Variants in FBXO36 observed in about 807,000 individuals in gnomAD.
FBXO36 encodes the protein F-box protein 36.
In FBXO36, 18 loss-of-function variants were observed where a neutral mutation model predicts 17.0. That is an observed-to-expected ratio of 1.06 (90% CI 0.73 to 1.57). The LOEUF (loss-of-function observed/expected upper bound fraction) is 1.57. Ranked by LOEUF, FBXO36 falls within the 40% of genes most tolerant of loss-of-function variation. The pLI is 0.00. For missense variants in FBXO36, 229 were observed against 221.9 expected, an observed-to-expected ratio of 1.03 and a Z score of -0.20; for synonymous variants, 83 against 85.3, an observed-to-expected ratio of 0.97 and a Z score of 0.15.
chr2:229,985,430 C>T (rs1267363396), intron 2 of FBXO36, among the ~76,000 whole-genome samples: 1 of 152,090 alleles, frequency 6.6e-6, no homozygotes, highest in Admixed American at 6.6e-5. Flanking sequence ...TAGACTTATA[C>T]GTCAGCCTTT....
chr2:230,008,435 T>C (rs901491039), intron 3 of FBXO36, among the ~76,000 whole-genome samples: 5 of 152,214 alleles, frequency 3.3e-5, no homozygotes, highest in Admixed American at 3.3e-4. Flanking sequence ...TTTTGCAACC[T>C]GGCAACTACT....
At chr2:230,004,045 A>G (rs1453804923) in intron 3 of FBXO36, among the ~76,000 whole-genome samples, 1 of 152,184 alleles carries the variant, frequency 6.6e-6, no homozygotes, top group Non-Finnish European at 1.5e-5. Context: ...CAGCACAGCC[A>G]CGGGGCCCTT....
At chr2:229,976,819 T>TA (rs879327470) in intron 2 of FBXO36, 51 of 143,212 alleles carry the variant, frequency 3.6e-4, no homozygotes, top group South Asian at 6.6e-4. Flanking sequence ...AATTCTGTCT[T>TA]AAAAAAAAAA....
chr2:229,993,967 A>G (rs958569362), intron 2 of FBXO36, among the ~76,000 whole-genome samples: 13 of 150,562 alleles, frequency 8.6e-5, no homozygotes, highest in Non-Finnish European at 1.5e-4. Context: ...AGGGACAGGG[A>G]TTCACTGTGT....
intron 1 of FBXO36, among the ~76,000 whole-genome samples, chr2:229,933,983 G>GC (rs2076951781): frequency 2.0e-5 from 3 of 151,150 alleles, no homozygotes; most frequent in South Asian, 4.2e-4. Context: ...ACCGTGCCCA[G>GC]CCCCCCTTTA....
chr2:229,957,666 CAA>C (rs2077096051), intron 1 of FBXO36, among the ~76,000 whole-genome samples: 1 of 152,062 alleles, frequency 6.6e-6, no homozygotes, highest in Admixed American at 6.6e-5. Flanking sequence ...GGGAATGAGT[CAA>C]TAACAAGAAG....
At chr2:229,996,690 T>G in intron 2 of FBXO36, 61 bp from the exon 3 acceptor site, 2 of 1,497,498 alleles carry the variant, frequency 1.3e-6, no homozygotes, top group Non-Finnish European at 1.8e-6. Context: ...ATTTCACTGA[T>G]TGTTATTATA....
At chr2:229,941,783 G>T (rs565385546) in intron 1 of FBXO36, among the ~76,000 whole-genome samples, 1 of 152,258 alleles carries the variant, frequency 6.6e-6, no homozygotes, top group Admixed American at 6.5e-5. Flanking sequence ...TTGGGAGGCC[G>T]AGGCAGGTGG....
chr2:229,941,808 T>C (rs764593396), intron 1 of FBXO36, among the ~76,000 whole-genome samples: 2 of 152,080 alleles, frequency 1.3e-5, no homozygotes, highest in Non-Finnish European at 2.9e-5. Context: ...CTTGAGGTCA[T>C]GAGCTCAAGA....
intron 1 of FBXO36, among the ~76,000 whole-genome samples, chr2:229,932,473 T>A (rs2076943684): frequency 6.6e-6 from 1 of 151,858 alleles, no homozygotes; most frequent in Non-Finnish European, 1.5e-5. Context: ...TGAGCCAAGG[T>A]CACGCCATTG....
intron 1 of FBXO36, among the ~76,000 whole-genome samples, chr2:229,971,062 A>G (rs2077177600): frequency 1.3e-5 from 2 of 152,150 alleles, no homozygotes; most frequent in Non-Finnish European, 2.9e-5. Flanking sequence ...TTTACAAGTG[A>G]TAAAATCATG....
intron 3 of FBXO36, among the ~76,000 whole-genome samples, chr2:229,998,952 G>A (rs1025452130): frequency 1.0e-4 from 15 of 150,632 alleles, no homozygotes; most frequent in East Asian, 8.0e-4. Context: ...ACAGGTGCCC[G>A]CCACCACACC....
chr2:229,932,404 C>T (rs1253965465), intron 1 of FBXO36, among the ~76,000 whole-genome samples: 1 of 152,094 alleles, frequency 6.6e-6, no homozygotes, highest in Non-Finnish European at 1.5e-5. Context: ...CCTGTAATCC[C>T]AGCTACTCAG....
rs995795239 is a variant in FBXO36 at position 230,013,077 on chromosome 2, A to G, written c.*2193A>G. On this transcript the variant is annotated 3_prime_UTR_variant, in exon 4 of 4. Coordinates refer to ENST00000283946, the MANE Select transcript of FBXO36 (RefSeq NM_174899.5). ...TAACTATTGTTAAATAATAGCTAAAATAATACAGATTATTAAATTATTTTA... is the reference window on the plus strand; with the variant it reads ...TAACTATTGTTAAATAATAGCTAAAGTAATACAGATTATTAAATTATTTTA... 1 of 151,724 alleles carries G rather than the reference A, an allele frequency of 6.6e-6. No individual in the cohort carries two copies. Among genetic ancestry groups the G allele is most frequent in the African/African-American group, 2.4e-5 (1 of 41,436 alleles). The allele number at this position is 151,724 out of a possible 1,614,324, so 9.4% of individuals were successfully genotyped here.
At chr2:229,969,003 A>G (rs2077167767) in intron 1 of FBXO36, among the ~76,000 whole-genome samples, 1 of 151,874 alleles carries the variant, frequency 6.6e-6, no homozygotes, top group African/African-American at 2.4e-5. Flanking sequence ...CAAACTCCAG[A>G]CCTCAAGTGG....
At chr2:229,940,407 G>A (rs2076992149) in intron 1 of FBXO36, among the ~76,000 whole-genome samples, 1 of 152,142 alleles carries the variant, frequency 6.6e-6, no homozygotes, top group African/African-American at 2.4e-5. Context: ...ATTCAGGAGT[G>A]ATTCTGCCGT....
intron 3 of FBXO36, among the ~76,000 whole-genome samples, chr2:230,008,214 G>A (rs930047061): frequency 3.9e-5 from 6 of 152,160 alleles, no homozygotes; most frequent in Non-Finnish European, 8.8e-5. Flanking sequence ...CCACTCCCCA[G>A]CATGAACCTG....
chr2:229,978,089 AAAAAC>A (rs1176552216), intron 2 of FBXO36, among the ~76,000 whole-genome samples: 1 of 151,910 alleles, frequency 6.6e-6, no homozygotes, highest in East Asian at 1.9e-4. Context: ...TGGTCTCCAC[AAAAAC>A]AAAACAAAAC....
chr2:230,005,263 G>A (rs1207209573), intron 3 of FBXO36, among the ~76,000 whole-genome samples: 3 of 150,874 alleles, frequency 2.0e-5, no homozygotes, highest in Non-Finnish European at 4.4e-5. Context: ...CACGACACCC[G>A]GCTAATTTTT....
Sources: allele counts gnomAD v4.1 joint callset (sites outside exome capture counted in the v4.1 genomes callset), GRCh38; gene constraint gnomAD v4.1.1; transcripts MANE v1.5; gene names NCBI Gene and HGNC (gene_info 2026-07-23, HGNC 2026-07-21).